The following FAAH2 variants were observed in gnomAD, a reference collection of about 807,000 sequenced individuals.
The protein encoded by FAAH2 is fatty acid amide hydrolase 2.
A neutral mutation model predicts 36.9 loss-of-function variants in FAAH2; 60 were observed. That is an observed-to-expected ratio of 1.63 (90% CI 1.32 to 2.02). FAAH2 has a LOEUF of 2.02. FAAH2 is among the 30% of genes most tolerant of loss of function. FAAH2 has a pLI of 0.00. For missense variants in FAAH2, 689 were observed against 397.5 expected (o/e 1.73, Z -6.23); for synonymous variants, 214 against 143.8 (o/e 1.49, Z -3.49).
the FAAH2 span, among the ~76,000 whole-genome samples, chrX:57,278,999 G>C: frequency 8.9e-6 from 1 of 112,200 alleles, no homozygotes; most frequent in Non-Finnish European, 1.9e-5. Flanking sequence ...CTTTTACACT[G>C]TTAGGGGAGT....
chrX:57,256,412 A>T, the FAAH2 span, among the ~76,000 whole-genome samples: 1 of 112,001 alleles, frequency 8.9e-6, no homozygotes, highest in African/African-American at 3.2e-5. Context: ...ACAGAATTTG[A>T]TAAATCTCCT....
At chrX:57,324,206 G>C (rs1460349410) in intron 3 of FAAH2, among the ~76,000 whole-genome samples, 1 of 111,767 alleles carries the variant, frequency 8.9e-6, no homozygotes, top group Non-Finnish European at 1.9e-5. Flanking sequence ...CTATATCTCT[G>C]TTTTGATACC....
chrX:57,425,819 T>C (rs2056148461), intron 7 of FAAH2, among the ~76,000 whole-genome samples: 1 of 103,040 alleles, frequency 9.7e-6, no homozygotes, highest in Admixed American at 1.1e-4. Context: ...CAATTAAGAT[T>C]ATGACAGGAA....
At chrX:57,308,682 A>T (rs1008405906) in intron 2 of FAAH2, among the ~76,000 whole-genome samples, 1 of 111,763 alleles carries the variant, frequency 8.9e-6, no homozygotes, top group Non-Finnish European at 1.9e-5. Context: ...ATATCATTAT[A>T]TCATTATCCT....
Position 57,488,865 on chromosome X carries a change from T to A in FAAH2, c.1532T>A (p.Leu511Gln), listed in dbSNP as rs2057521763. Residue 511 changes from leucine (L) to glutamine (Q), a missense_variant, in exon 11 of 11, where the codon CTG becomes CAG. Physicochemically the swap from Leu to Gln is moderately radical, Grantham distance 113 (BLOSUM62 -2). Coordinates refer to ENST00000374900, the MANE Select transcript of FAAH2 (RefSeq NM_174912.4). ...GTGGCTGGACCCTTTAATGATCATC[T>A]GACCCTGGCTGTGGCCCAGTACTTG... ...QVVAGPFNDH[L>Q]TLAVAQYLEK... 8.3e-7 allele frequency: 1 copy of A among 1,211,131 alleles called. No homozygotes were observed. The highest frequency in any genetic ancestry group is 1.1e-6 in the Non-Finnish European group (1 of 895,374).
chrX:57,384,628 C>G (rs1334777050), intron 7 of FAAH2, among the ~76,000 whole-genome samples: 2 of 110,574 alleles, frequency 1.8e-5, no homozygotes, highest in African/African-American at 3.3e-5. Context: ...CAATGAGATA[C>G]CATCTCACAC....
rs978726885 is a variant in FAAH2, at chrX:57,378,656, G to C, written c.748G>C (p.Val250Leu). 2 of 1,209,151 alleles carry C rather than the reference G, an allele frequency of 1.7e-6. No homozygotes were observed. Among genetic ancestry groups the C allele is most frequent in the South Asian group, 3.5e-5 (2 of 56,791 alleles). The change falls in exon 6 of 11, where the codon GTT (valine) becomes CTT (leucine). Residue 250 changes from valine (V) to leucine (L), a missense_variant. Physicochemically the swap from Val to Leu is conservative, Grantham distance 32. Transcript: ENST00000374900. The stretch of plus-strand genomic sequence containing the variant: ...CTGACTGTCTATCCTTTCAGGTGTG[G>C]TTCCCAACAAAGGTCAGTTTCCCTT... Reference protein sequence around the residue: ...IFGHKPSPGVVPNKGQFPLAV... With the variant: ...IFGHKPSPGVLPNKGQFPLAV...
At chrX:57,452,331 T>C in intron 10 of FAAH2, 1 of 754,117 alleles carries the variant, frequency 1.3e-6, no homozygotes. Context: ...AATCATAACA[T>C]GCCACTCTCA....
At chrX:57,267,126 G>A in the FAAH2 span, among the ~76,000 whole-genome samples, 9,656 of 112,213 alleles carry the variant, frequency 0.086, 990 homozygotes, top group African/African-American at 0.28. Context: ...CAGCAAGGTG[G>A]CCCCTACAGG....
At chrX:57,300,291 G>GA (rs746738088) in intron 2 of FAAH2, among the ~76,000 whole-genome samples, 5 of 110,912 alleles carry the variant, frequency 4.5e-5, no homozygotes, top group Non-Finnish European at 1.9e-5. Flanking sequence ...AGAGCCCTCA[G>GA]AAACAATGCC....
the FAAH2 span, among the ~76,000 whole-genome samples, chrX:57,172,919 G>GT: frequency 8.9e-6 from 1 of 111,997 alleles, no homozygotes; most frequent in African/African-American, 3.3e-5. Context: ...AGGTCTCTGT[G>GT]TTTTTATAGG....
chrX:57,422,250 G>A (rs986706916), intron 7 of FAAH2, among the ~76,000 whole-genome samples: 9 of 111,732 alleles, frequency 8.1e-5, no homozygotes, highest in African/African-American at 2.6e-4. Flanking sequence ...TTCTGCACAG[G>A]CCAAATAGGA....
intron 5 of FAAH2, among the ~76,000 whole-genome samples, chrX:57,345,564 CT>C (rs2053800121): frequency 9.1e-6 from 1 of 110,059 alleles, no homozygotes; most frequent in African/African-American, 3.3e-5. Context: ...TTGTTTATTC[CT>C]TCAAAAAAGA....
chrX:57,185,486 CTCTG>C, the FAAH2 span, among the ~76,000 whole-genome samples: 1 of 90,671 alleles, frequency 1.1e-5, no homozygotes, highest in Non-Finnish European at 2.1e-5. Context: ...CTCTCTCTGT[CTCTG>C]TGTGTGTGTG....
chrX:57,423,471 C>T, intron 7 of FAAH2, among the ~76,000 whole-genome samples: 1 of 111,468 alleles, frequency 9.0e-6, no homozygotes, highest in Non-Finnish European at 1.9e-5. Flanking sequence ...TGAAGGCAAA[C>T]TGTTTGTGTC....
intron 5 of FAAH2, among the ~76,000 whole-genome samples, chrX:57,358,968 A>T (rs930407610): frequency 1.8e-5 from 2 of 111,227 alleles, no homozygotes; most frequent in African/African-American, 6.5e-5. Flanking sequence ...CATAAAATGC[A>T]TAGTAATCAT....
the FAAH2 span, chrX:57,137,354 T>C: frequency 1.3e-6 from 1 of 757,043 alleles, no homozygotes; most frequent in Non-Finnish European, 1.6e-6. Flanking sequence ...GTAGGATCCA[T>C]AGATGAGGAG....
chrX:57,145,976 T>G, the FAAH2 span, among the ~76,000 whole-genome samples: 7 of 111,116 alleles, frequency 6.3e-5, no homozygotes, highest in Non-Finnish European at 1.1e-4. Context: ...TAGTATAGTT[T>G]GAAGTTGGGT....
At chrX:57,251,284 T>C in the FAAH2 span, among the ~76,000 whole-genome samples, 8 of 111,525 alleles carry the variant, frequency 7.2e-5, no homozygotes, top group African/African-American at 2.6e-4. Context: ...AGTGAAAGCG[T>C]TTAATATAAT....
Sources: gnomAD v4.1 joint callset for allele counts (sites outside exome capture counted in the v4.1 genomes callset) on GRCh38, gnomAD v4.1.1 for gene constraint, MANE v1.5 for transcripts, NCBI Gene and HGNC (gene_info 2026-07-23, HGNC 2026-07-21) for gene names.